FSTL5: variants seen among roughly 807,000 people sequenced by gnomAD.
FSTL5 encodes the protein follistatin-related protein 5.
FSTL5 carries 62 observed loss-of-function variants against 89.1 expected under a neutral mutation model. The ratio of observed to expected loss-of-function variants is 0.70; its 90% CI spans 0.57 to 0.86. The LOEUF is 0.86. Ranked by LOEUF, FSTL5 falls within the 40% of genes least tolerant of loss-of-function variation. The pLI, the probability that FSTL5 is intolerant of heterozygous loss-of-function variation, is 0.00. For missense variants in FSTL5, 1,057 were observed against 1,001.6 expected, an observed-to-expected ratio of 1.06 and a Z score of -0.75; for synonymous variants, 383 against 346.2, an observed-to-expected ratio of 1.11 and a Z score of -1.18.
intron 4 of FSTL5, among the ~76,000 whole-genome samples, chr4:161,819,002 A>T (rs569385773): frequency 2.0e-5 from 3 of 152,238 alleles, no homozygotes; most frequent in Admixed American, 6.5e-5. Flanking sequence ...TTAATTTCTG[A>T]TAGTAAGTAA....
chr4:162,106,049 C>A (rs1375193097), intron 2 of FSTL5, among the ~76,000 whole-genome samples: 2 of 151,986 alleles, frequency 1.3e-5, no homozygotes, highest in East Asian at 3.9e-4. Context: ...TCTTTAATAT[C>A]GAAAGTTAAA....
At chr4:161,544,244 A>G (rs1050855996) in intron 8 of FSTL5, among the ~76,000 whole-genome samples, 8 of 151,310 alleles carry the variant, frequency 5.3e-5, no homozygotes, top group African/African-American at 1.9e-4. Context: ...TCAGAAAATA[A>G]CATGTTGTTG....
intron 12 of FSTL5, among the ~76,000 whole-genome samples, chr4:161,488,026 A>G (rs543818561): frequency 1.3e-5 from 2 of 151,448 alleles, no homozygotes; most frequent in African/African-American, 4.9e-5. Context: ...TCCCTTCAAT[A>G]TTGCTTTGCA....
At chr4:162,019,042 C>T (rs962606280) in intron 3 of FSTL5, among the ~76,000 whole-genome samples, 6 of 151,920 alleles carry the variant, frequency 3.9e-5, no homozygotes, top group African/African-American at 1.2e-4. Context: ...TAATATTATT[C>T]GTGTTATTTG....
chr4:161,936,379 C>G (rs1734432659), intron 3 of FSTL5, among the ~76,000 whole-genome samples: 1 of 152,050 alleles, frequency 6.6e-6, no homozygotes, highest in African/African-American at 2.4e-5. Flanking sequence ...CATTATTTTG[C>G]TATCTTCTTA....
At chr4:161,987,369 G>A (rs1391424996) in intron 3 of FSTL5, among the ~76,000 whole-genome samples, 1 of 151,060 alleles carries the variant, frequency 6.6e-6, no homozygotes, top group Non-Finnish European at 1.5e-5. Flanking sequence ...AGAAGTGAGG[G>A]AAGATATTTT....
chr4:161,553,639 G>T lies in FSTL5; in HGVS notation c.1016-10946C>A, dbSNP rs184607125. ...TTCTTAGCTTAAATTGTCTCATATG[G>T]TCCTAATAATATAATATATGTCTTT... On this transcript the variant is annotated intron_variant, in intron 8 of 15. Transcript: ENST00000306100. Among the ~76,000 whole-genome samples the T allele has an allele frequency of 3.1e-4, 47 of 151,200 alleles. 1 individual carries two copies. In the East Asian group the frequency reaches 9.2e-3, roughly 29 times the overall value.
chr4:161,962,575 C>T (rs898887588), intron 3 of FSTL5, among the ~76,000 whole-genome samples: 1 of 151,636 alleles, frequency 6.6e-6, no homozygotes, highest in African/African-American at 2.4e-5. Context: ...ATTAATGAGC[C>T]CGCATTGCTC....
chr4:161,833,880 C>T (rs1730937163), intron 4 of FSTL5, among the ~76,000 whole-genome samples: 1 of 151,976 alleles, frequency 6.6e-6, no homozygotes. Flanking sequence ...AGTCCATTTA[C>T]ATTTAAAGTT....
intron 15 of FSTL5, among the ~76,000 whole-genome samples, chr4:161,410,951 C>CAAA (rs764615060): frequency 0.031 from 3,960 of 127,606 alleles, 66 homozygotes; most frequent in Non-Finnish European, 0.045. Context: ...GTTGGTTGTT[C>CAAA]AAAAAAAAAA....
At position 161,500,005 on chromosome 4, in the gene FSTL5, T is replaced by TA. The variant is rs1560925223; in HGVS notation, c.1458+10dup. The TA allele has an allele frequency of 6.6e-7, 1 of 1,517,470 alleles. No individual in the cohort carries two copies. The highest frequency in any genetic ancestry group is 1.7e-5 in the Admixed American group (1 of 57,562). The allele number at this position is 1,517,470 out of a possible 1,614,324, so 94.0% of individuals were successfully genotyped here. On this transcript the variant is annotated intron_variant, in intron 12 of 15. Coordinates refer to ENST00000306100, the MANE Select transcript of FSTL5 (RefSeq NM_020116.5). ...TGCATAAAACGTCAAAGGAACTTTT[T>TA]AGATACTTGCCTGAAATCCAAGGAG...
chr4:161,702,043 G>T (rs1386925934), intron 6 of FSTL5, among the ~76,000 whole-genome samples: 1 of 151,924 alleles, frequency 6.6e-6, no homozygotes, highest in Non-Finnish European at 1.5e-5. Flanking sequence ...ATTTCAAAGG[G>T]ATATAAATAT....
chr4:161,674,784 G>A (rs1034846037), intron 6 of FSTL5, among the ~76,000 whole-genome samples: 5 of 152,162 alleles, frequency 3.3e-5, no homozygotes, highest in African/African-American at 1.2e-4. Context: ...TAGGCACAAA[G>A]AGAAATGAAG....
chr4:162,156,198 T>C (rs1330816077), intron 1 of FSTL5, among the ~76,000 whole-genome samples: 2 of 151,992 alleles, frequency 1.3e-5, no homozygotes, highest in African/African-American at 4.8e-5. Context: ...TAAGACACCA[T>C]CTCGCACCAG....
intron 7 of FSTL5, among the ~76,000 whole-genome samples, chr4:161,603,018 A>G (rs562645407): frequency 6.6e-6 from 1 of 152,210 alleles, no homozygotes; most frequent in Non-Finnish European, 1.5e-5. Flanking sequence ...TAAACAAAAA[A>G]GGGTAGTTGT....
At chr4:161,957,010 G>A (rs1313324203) in intron 3 of FSTL5, among the ~76,000 whole-genome samples, 1 of 151,962 alleles carries the variant, frequency 6.6e-6, no homozygotes, top group Non-Finnish European at 1.5e-5. Context: ...ATTTATTGCA[G>A]TATGGTTTTT....
chr4:161,930,082 C>T (rs1006199808), intron 3 of FSTL5, among the ~76,000 whole-genome samples: 1 of 151,600 alleles, frequency 6.6e-6, no homozygotes, highest in African/African-American at 2.4e-5. Flanking sequence ...TTTTTCTGGC[C>T]TTGAGTCATA....
intron 8 of FSTL5, among the ~76,000 whole-genome samples, chr4:161,549,461 C>T (rs1032537653): frequency 4.6e-5 from 7 of 151,560 alleles, no homozygotes; most frequent in Non-Finnish European, 5.9e-5. Context: ...CTGATGTAGC[C>T]GGGTGACTTG....
chr4:162,017,666 T>C (rs1736951967), intron 3 of FSTL5, among the ~76,000 whole-genome samples: 1 of 152,104 alleles, frequency 6.6e-6, no homozygotes, highest in Non-Finnish European at 1.5e-5. Flanking sequence ...CATATTAAAA[T>C]CAGAGAACAA....
Sources: allele counts gnomAD v4.1 joint callset (sites outside exome capture counted in the v4.1 genomes callset), GRCh38; gene constraint gnomAD v4.1.1; transcripts MANE v1.5; gene names NCBI Gene and HGNC (gene_info 2026-07-23, HGNC 2026-07-21).